PLEKHM3: variants seen among roughly 807,000 people sequenced by gnomAD.
PLEKHM3 encodes pleckstrin homology domain containing M3.
Under a neutral mutation model 81.8 loss-of-function variants are expected in PLEKHM3, and 45 were observed. That is an observed-to-expected ratio of 0.55 (90% CI 0.43 to 0.71). The LOEUF (loss-of-function observed/expected upper bound fraction) is 0.71, where lower values mean the gene tolerates loss of function less well. Ranked by LOEUF, PLEKHM3 falls within the 30% of genes least tolerant of loss-of-function variation. The pLI, the probability that PLEKHM3 is intolerant of heterozygous loss-of-function variation, is 0.00. For synonymous variants in PLEKHM3, 352 were observed against 356.4 expected, an observed-to-expected ratio of 0.99 and a Z score of 0.14; for missense variants, 788 against 924.3, an observed-to-expected ratio of 0.85 and a Z score of 1.91.
At chr2:207,828,531 C>CTGAA in intron 7 of PLEKHM3, 35 bp from the exon 8 acceptor site, 2 of 1,600,212 alleles carry the variant, frequency 1.2e-6, no homozygotes, top group Non-Finnish European at 1.7e-6. Context: ...ATGAGCAAGA[C>CTGAA]TGAAGCCAGC....
intron 6 of PLEKHM3, among the ~76,000 whole-genome samples, chr2:207,870,767 T>C (rs1440561160): frequency 6.6e-6 from 1 of 152,218 alleles, no homozygotes; most frequent in Non-Finnish European, 1.5e-5. Context: ...TTCTGAATCC[T>C]CAATTTTAAA....
intron 7 of PLEKHM3, among the ~76,000 whole-genome samples, chr2:207,834,626 T>C (rs962738549): frequency 4.0e-5 from 6 of 151,880 alleles, no homozygotes; most frequent in African/African-American, 1.5e-4. Context: ...GGTTTCTCCA[T>C]GTTGGCCAGG....
chr2:208,001,514 G>C lies in PLEKHM3; in HGVS notation c.126C>G (p.Val42=), dbSNP rs1019345937. 17 of 1,614,042 alleles carry C rather than the reference G, an allele frequency of 1.1e-5. No individual in the cohort carries two copies. The highest frequency in any genetic ancestry group is 3.3e-4 in the Middle Eastern group (2 of 6,084). Residue 42 remains valine, a synonymous_variant, in exon 2 of 8, where the codon GTC becomes GTG. Transcript: ENST00000427836. ...QQAEVYGIQE[V]PELVGHEVLS... ...GTACCTCATGCCCCACCAGTTCAGG[G>C]ACTTCCTGGATCCCATAAACCTCTG...
chr2:207,984,325 C>T (rs1009243801), intron 2 of PLEKHM3, among the ~76,000 whole-genome samples: 1 of 152,044 alleles, frequency 6.6e-6, no homozygotes, highest in African/African-American at 2.4e-5. Context: ...TTTTTCACAC[C>T]CAACAAAATT....
chr2:207,981,083 A>C (rs1353111192), intron 2 of PLEKHM3, among the ~76,000 whole-genome samples: 1 of 150,884 alleles, frequency 6.6e-6, no homozygotes, highest in Non-Finnish European at 1.5e-5. Context: ...AGCCGAGATT[A>C]CGCCACTGCA....
In PLEKHM3 at chr2:207,859,518, G is replaced by C. The variant is rs1480463961; in HGVS notation, c.2108+1587C>G. Among the ~76,000 whole-genome samples the C allele has an allele frequency of 2.6e-5, 4 of 152,032 alleles. No homozygotes were observed. In the East Asian group the frequency reaches 7.7e-4, roughly 29 times the overall value. On this transcript the variant is annotated intron_variant, in intron 7 of 7. Transcript: ENST00000427836. ...TTGTTTATCCATTCATCAGTTGATA[G>C]ACAATTAAGTTGTTTCTACTTTTTA... is the stretch of plus-strand genomic sequence containing the variant.
chr2:207,873,643 A>G (rs780663848), intron 6 of PLEKHM3, among the ~76,000 whole-genome samples: 2 of 152,250 alleles, frequency 1.3e-5, no homozygotes, highest in Non-Finnish European at 2.9e-5. Context: ...GCTGAGCTCC[A>G]TTCAAAGAGG....
chr2:207,944,546 A>G (rs1690058832), intron 4 of PLEKHM3, among the ~76,000 whole-genome samples: 1 of 152,238 alleles, frequency 6.6e-6, no homozygotes, highest in African/African-American at 2.4e-5. Flanking sequence ...TTTCTCTACG[A>G]AGTAGAAGAT....
intron 5 of PLEKHM3, among the ~76,000 whole-genome samples, chr2:207,924,698 A>G (rs926352174): frequency 2.6e-5 from 4 of 152,124 alleles, no homozygotes; most frequent in Non-Finnish European, 5.9e-5. Flanking sequence ...ACCAAACCAA[A>G]ACAAACAAAC....
At chr2:207,872,236 C>G (rs963148987) in intron 6 of PLEKHM3, among the ~76,000 whole-genome samples, 1 of 152,084 alleles carries the variant, frequency 6.6e-6, no homozygotes, top group African/African-American at 2.4e-5. Flanking sequence ...GCCTACTGAC[C>G]CACCTTGTAG....
chr2:207,822,391 A>G lies in PLEKHM3; in HGVS notation c.*5928T>C, dbSNP rs985407209. On this transcript the variant is annotated 3_prime_UTR_variant, in exon 8 of 8. Transcript: ENST00000427836. ...TAAGTTCACTGACTTTACAGATTCA[A>G]TTATGGATGGCTGGTTTTTATTTCT... 6.5e-6 allele frequency: 1 copy of G among 152,690 alleles called. No homozygotes were observed. Among genetic ancestry groups the G allele is most frequent in the Non-Finnish European group, 1.5e-5 (1 of 68,052 alleles). The allele number at this position is 152,690 out of a possible 1,614,324, so 9.5% of individuals were successfully genotyped here.
Position 207,828,172 on chromosome 2 carries a change from G to A in PLEKHM3, c.*147C>T, listed in dbSNP as rs77888701. 1.1e-3 allele frequency: 666 copies of A among 589,398 alleles called. 5 individuals carry two copies. The East Asian group carries it at 0.016, about 14-fold the overall frequency. The allele number at this position is 589,398 out of a possible 1,614,324, so 36.5% of individuals were successfully genotyped here. On this transcript the variant is annotated 3_prime_UTR_variant, in exon 8 of 8. Coordinates refer to ENST00000427836, the MANE Select transcript of PLEKHM3 (RefSeq NM_001080475.3). ...ACGTACAGGACGTATAGGTATTTGC[G>A]TATATATAAATAAATATATATATCT...
intron 6 of PLEKHM3, among the ~76,000 whole-genome samples, chr2:207,869,210 A>T (rs1360384940): frequency 6.6e-6 from 1 of 152,216 alleles, no homozygotes; most frequent in East Asian, 1.9e-4. Flanking sequence ...TAGTTAAACC[A>T]GGCGGTCATT....
In PLEKHM3 at chr2:207,841,657, A is replaced by G. The variant is rs1470771253; in HGVS notation, c.2109-13161T>C. Among the ~76,000 whole-genome samples, 3 of 151,384 alleles carry G rather than the reference A, an allele frequency of 2.0e-5. No individual in the cohort carries two copies. In the East Asian group the frequency reaches 5.8e-4, roughly 29 times the overall value. ...TTTCCAAATGGCTAATTAGTTCCCA[A>G]TTCCTAATATGGAATAATACTTTTT... On this transcript the variant is annotated intron_variant, in intron 7 of 7. Transcript: ENST00000427836.
chr2:207,828,426 G>A lies in PLEKHM3; in HGVS notation c.2179C>T (p.Arg727Cys), dbSNP rs1270053777. 1.4e-5 allele frequency: 22 copies of A among 1,613,910 alleles called. No individual in the cohort carries two copies. The highest frequency in any genetic ancestry group is 1.6e-4 in the Middle Eastern group (1 of 6,084). Residue 727 changes from arginine to cysteine, a missense_variant, in exon 8 of 8, where the codon CGC becomes TGC. Coordinates refer to ENST00000427836, the MANE Select transcript of PLEKHM3 (RefSeq NM_001080475.3). ...TTCTGCTTCTTCTGCAGCTCTCGGC[G>A]AACACACCTCGGGCAGGGGACAGAC... ...EKSVPCPRCV[R>C]RELQKKQKSF...
intron 6 of PLEKHM3, chr2:207,868,499 C>T (rs1392476748): frequency 6.6e-6 from 1 of 152,160 alleles, no homozygotes; most frequent in East Asian, 1.9e-4. Flanking sequence ...CATCTACTTT[C>T]CAGCTGTGAG....
intron 1 of PLEKHM3, among the ~76,000 whole-genome samples, chr2:208,010,307 C>T (rs1222861179): frequency 2.0e-5 from 3 of 152,192 alleles, no homozygotes; most frequent in South Asian, 2.1e-4. Context: ...CGACTGAAGG[C>T]AGCAGTGTTA....
intron 1 of PLEKHM3, among the ~76,000 whole-genome samples, chr2:208,011,873 C>T (rs980664596): frequency 5.0e-5 from 7 of 139,848 alleles, no homozygotes; most frequent in African/African-American, 1.7e-4. Flanking sequence ...TCTCGGCTCA[C>T]GGCAACCTCT....
At chr2:207,942,762 T>C (rs1689986799) in intron 4 of PLEKHM3, among the ~76,000 whole-genome samples, 1 of 152,048 alleles carries the variant, frequency 6.6e-6, no homozygotes, top group Non-Finnish European at 1.5e-5. Context: ...TAGCTGGGTG[T>C]GGTGGCATGT....
Sources: allele counts gnomAD v4.1 joint callset (sites outside exome capture counted in the v4.1 genomes callset), GRCh38; gene constraint gnomAD v4.1.1; transcripts MANE v1.5; gene names NCBI Gene and HGNC (gene_info 2026-07-23, HGNC 2026-07-21).